Variants in WASHC4 observed in about 807,000 individuals in gnomAD.
The protein encoded by WASHC4 is WASH complex subunit 4, also known as WASH complex subunit 7.
WASHC4 carries 86 observed loss-of-function variants against 166.6 expected under a neutral mutation model. That is an observed-to-expected ratio of 0.52 (90% CI 0.43 to 0.62). The LOEUF (loss-of-function observed/expected upper bound fraction) is 0.62, where lower values mean the gene tolerates loss of function less well. Among genes scored for constraint, WASHC4 ranks in the 20% least tolerant of loss-of-function variants. The pLI, the probability that WASHC4 is intolerant of heterozygous loss-of-function variation, is 0.00. For synonymous variants in WASHC4, 446 were observed against 451.6 expected (o/e 0.99, Z 0.16); for missense variants, 1,262 against 1,382.4 (o/e 0.91, Z 1.38).
chr12:105,122,377 AG>A, intron 10 of WASHC4, 139 bp downstream of exon 10: 16 of 835,618 alleles, frequency 1.9e-5, no homozygotes, highest in Non-Finnish European at 3.0e-5. Context: ...TTATTGTTAC[AG>A]TACTAAAATA....
At position 105,146,544 on chromosome 12, in the gene WASHC4, A is replaced by ATTTT; in HGVS notation, c.2409+27_2409+30dup. 2.4e-6 allele frequency: 3 copies of ATTTT among 1,251,154 alleles called. No individual in the cohort carries two copies. Among genetic ancestry groups the ATTTT allele is most frequent in the Non-Finnish European group, 3.4e-6 (3 of 880,046 alleles). The allele number at this position is 1,251,154 out of a possible 1,614,324, so 77.5% of individuals were successfully genotyped here. A position where few individuals can be genotyped will look rare whatever the true frequency, so the allele number is the denominator to read the frequency against. On this transcript the variant is annotated intron_variant, in intron 23 of 32. Transcript: ENST00000332180. ...ACAATCAGGTGAGTAGGGTTTATAA[A>ATTTT]TTTTTTTTTTTTAATGTAGGTGGAG...
At chr12:105,157,097 GAAT>G in intron 27 of WASHC4, 136 bp from the exon 28 acceptor site, 1 of 638,952 alleles carries the variant, frequency 1.6e-6, no homozygotes. Context: ...GTGGTGATAT[GAAT>G]AATATTACTG....
chr12:105,132,380 G>A (rs1379328604), intron 13 of WASHC4, among the ~76,000 whole-genome samples: 2 of 152,092 alleles, frequency 1.3e-5, no homozygotes, highest in Non-Finnish European at 2.9e-5. Context: ...CCATGTTGGC[G>A]AGGCTGGTCA....
At chr12:105,163,720 G>A (rs986079074) in intron 30 of WASHC4, among the ~76,000 whole-genome samples, 3 of 151,986 alleles carry the variant, frequency 2.0e-5, no homozygotes, top group African/African-American at 4.8e-5. Context: ...GTGTTGCCCA[G>A]GTTGGTCTTA....
chr12:105,147,421 A>G (rs1883385764), intron 24 of WASHC4: 1 of 462,892 alleles, frequency 2.2e-6, no homozygotes, highest in Admixed American at 3.5e-5. Context: ...GCACATTAAT[A>G]TATGTGTGTG....
In WASHC4 at chr12:105,111,272, T is replaced by A. The variant is rs114844466; in HGVS notation, c.201+8T>A. 1.4e-5 allele frequency: 22 copies of A among 1,582,706 alleles called. No individual in the cohort carries two copies. In the East Asian group the frequency reaches 4.5e-4, roughly 32 times the overall value. ...GATCCTATAGCATTAAAGGTTTGATTTGATTTTTTAAAAATATATGTATAT... is the reference window on the plus strand; with the variant it reads ...GATCCTATAGCATTAAAGGTTTGATATGATTTTTTAAAAATATATGTATAT... On this transcript the variant is annotated splice_region_variant and intron_variant, in intron 2 of 32. Coordinates refer to ENST00000332180, the MANE Select transcript of WASHC4 (RefSeq NM_015275.3).
At chr12:105,139,670 A>T (rs994599094) in intron 15 of WASHC4, among the ~76,000 whole-genome samples, 1 of 151,322 alleles carries the variant, frequency 6.6e-6, no homozygotes, top group Non-Finnish European at 1.5e-5. Flanking sequence ...AAATCTGTTC[A>T]TGTCTTTTCC....
chr12:105,152,300 T>C, intron 25 of WASHC4, 43 bp from the exon 26 acceptor site: 5 of 987,662 alleles, frequency 5.1e-6, no homozygotes, highest in Non-Finnish European at 8.2e-6. Flanking sequence ...ATTTTGTGCT[T>C]TAGAAATCTT....
chr12:105,142,098 T>G (rs1298410062), intron 18 of WASHC4, among the ~76,000 whole-genome samples: 3 of 151,926 alleles, frequency 2.0e-5, no homozygotes, highest in Non-Finnish European at 4.4e-5. Context: ...TTAAGTCTAG[T>G]CATAGCAAAT....
intron 13 of WASHC4, among the ~76,000 whole-genome samples, chr12:105,129,968 CTA>C (rs1355056536): frequency 1.3e-5 from 2 of 152,160 alleles, no homozygotes; most frequent in African/African-American, 4.8e-5. Context: ...GGAGTGCTTA[CTA>C]TATGCTAGTA....
chr12:105,127,602 G>A (rs941197237), intron 13 of WASHC4, among the ~76,000 whole-genome samples: 1 of 152,134 alleles, frequency 6.6e-6, no homozygotes, highest in Non-Finnish European at 1.5e-5. Flanking sequence ...GATATCATTT[G>A]ATGACATTAA....
chr12:105,115,154 A>C (rs778841548), intron 4 of WASHC4, 30 bp from the exon 5 acceptor site: 4 of 1,231,762 alleles, frequency 3.2e-6, no homozygotes, highest in Non-Finnish European at 4.8e-6. Flanking sequence ...ACAACCTTTA[A>C]AATTATTTTA....
chr12:105,150,124 A>G (rs1213635187), intron 25 of WASHC4, among the ~76,000 whole-genome samples: 1 of 152,180 alleles, frequency 6.6e-6, no homozygotes, highest in African/African-American at 2.4e-5. Flanking sequence ...ATATTTACAC[A>G]CATATATTGC....
chr12:105,127,050 G>A (rs184631091), intron 12 of WASHC4, 79 bp from the exon 13 acceptor site: 4 of 1,158,938 alleles, frequency 3.5e-6, no homozygotes, highest in East Asian at 2.3e-5. Context: ...TGTCTTCCAT[G>A]TGTATTATAG....
rs200763691 is a variant in WASHC4 at position 105,126,083 on chromosome 12, C to T, written c.866C>T (p.Ala289Val). The T allele has an allele frequency of 3.2e-4, 511 of 1,612,908 alleles. 5 individuals are homozygous for T. The African/African-American group carries it at 6.3e-3, about 20-fold the overall frequency. Reference protein sequence around the residue: ...SKNSTFAEEFAHSIRSIFANV... With the variant: ...SKNSTFAEEFVHSIRSIFANV... ...AATAGTACTTTTGCTGAGGAATTTG[C>T]ACATAGTATTCGGTCAATTTTTGCA... is the stretch of plus-strand genomic sequence containing the variant. The change falls in exon 11 of 33, where the codon GCA (alanine) becomes GTA (valine). Residue 289 changes from alanine (A) to valine (V), a missense_variant. Ala to Val is a moderately conservative substitution (Grantham distance 64). Transcript: ENST00000332180.
intron 9 of WASHC4, 55 bp downstream of exon 9, chr12:105,121,259 T>A: frequency 8.9e-7 from 1 of 1,122,692 alleles, no homozygotes. Context: ...TGTATTTGTG[T>A]TAGTAAAAAG....
chr12:105,136,063 ATATC>A (rs945829993), intron 14 of WASHC4, among the ~76,000 whole-genome samples: 5 of 152,158 alleles, frequency 3.3e-5, no homozygotes, highest in Non-Finnish European at 7.4e-5. Context: ...AACCCAGGTT[ATATC>A]AATCTAGTAG....
chr12:105,120,656 G>A, intron 8 of WASHC4, 59 bp downstream of exon 8: 2 of 1,193,438 alleles, frequency 1.7e-6, no homozygotes, highest in Admixed American at 1.7e-5. Flanking sequence ...TTACTTTGGA[G>A]TTTGTATGGT....
chr12:105,109,670 T>TTTTTC (rs1235334819), intron 1 of WASHC4, among the ~76,000 whole-genome samples: 1 of 138,660 alleles, frequency 7.2e-6, no homozygotes, highest in Admixed American at 7.3e-5. Context: ...TTTTTTTTTT[T>TTTTTC]CGAGACAAGG....
Sources: gnomAD v4.1 joint callset for allele counts (sites outside exome capture counted in the v4.1 genomes callset) on GRCh38, gnomAD v4.1.1 for gene constraint, MANE v1.5 for transcripts, NCBI Gene and HGNC (gene_info 2026-07-23, HGNC 2026-07-21) for gene names.